SSTR1: variants seen among roughly 807,000 people sequenced by gnomAD.
The protein encoded by SSTR1 is somatostatin receptor 1.
Under a neutral mutation model 20.7 loss-of-function variants are expected in SSTR1, and 10 were observed. That is an observed-to-expected ratio of 0.48 (90% CI 0.30 to 0.82). The LOEUF (loss-of-function observed/expected upper bound fraction) is 0.82. SSTR1 is among the 40% of genes least tolerant of loss of function. SSTR1 has a pLI of 0.07. For missense variants in SSTR1, 494 were observed against 540.0 expected (o/e 0.91, Z 0.84); for synonymous variants, 267 against 227.8 (o/e 1.17, Z -1.55).
rs1883301013 is a variant in SSTR1, at chr14:38,210,289, C to T, written c.900C>T (p.Asp300=). Residue 300 remains aspartate, a synonymous_variant, in exon 3 of 3, where the codon GAC becomes GAT. Coordinates refer to ENST00000267377, the MANE Select transcript of SSTR1 (RefSeq NM_001049.3). ...TGGTCAACGTGTTTGCTGAGCAGGA[C>T]GACGCCACGGTGAGTCAGCTGTCGG... ...VQLVNVFAEQ[D]DATVSQLSVI... 1.9e-6 allele frequency: 3 copies of T among 1,614,180 alleles called. No homozygotes were observed. Among genetic ancestry groups the T allele is most frequent in the Non-Finnish European group, 2.5e-6 (3 of 1,180,016 alleles).
rs1378843345 is a variant in SSTR1 at position 38,210,728 on chromosome 14, G to A, written c.*163G>A. ...TAGGACACTGACAGCCTTTGATGGA[G>A]GAACCCAAGAAAGGCGCGCGACAAT... On this transcript the variant is annotated 3_prime_UTR_variant, in exon 3 of 3. Transcript: ENST00000267377. 1 of 1,426,826 alleles carries A rather than the reference G, an allele frequency of 7.0e-7. No individual in the cohort carries two copies. Among genetic ancestry groups the A allele is most frequent in the African/African-American group, 1.4e-5 (1 of 69,216 alleles). 88.4% of individuals were successfully genotyped at this position (1,426,826 alleles called of 1,614,324 possible).
Position 38,210,609 on chromosome 14 carries a change from C to CTGAGCCCGGGCCACGCAGGGGCA in SSTR1, c.*44_*45insTGAGCCCGGGCCACGCAGGGGCA. ...CTCTGAGCCCGGGCCACGCAGGGGC[C>CTGAGCCCGGGCCACGCAGGGGCA]CTGAGCCAAAAGAGGGGGAGAATGA... On this transcript the variant is annotated 3_prime_UTR_variant, in exon 3 of 3. Coordinates refer to ENST00000267377, the MANE Select transcript of SSTR1 (RefSeq NM_001049.3). 8.9e-7 allele frequency: 1 copy of CTGAGCCCGGGCCACGCAGGGGCA among 1,120,800 alleles called. No individual in the cohort carries two copies. The highest frequency in any genetic ancestry group is 1.2e-6 in the Non-Finnish European group (1 of 841,618). 69.4% of individuals were successfully genotyped at this position (1,120,800 alleles called of 1,614,324 possible). A position where few individuals can be genotyped will look rare whatever the true frequency, so the allele number is the denominator to read the frequency against.
Position 38,210,593 on chromosome 14 carries a change from C to A in SSTR1, c.*28C>A, listed in dbSNP as rs748044607. ...CCGGGCCACGCAGGGGCTCTGAGCCCGGGCCACGCAGGGGCCCTGAGCCAA... is the reference window on the plus strand; with the variant it reads ...CCGGGCCACGCAGGGGCTCTGAGCCAGGGCCACGCAGGGGCCCTGAGCCAA... On this transcript the variant is annotated 3_prime_UTR_variant, in exon 3 of 3. Transcript: ENST00000267377. The A allele has an allele frequency of 7.1e-6, 11 of 1,538,956 alleles. No individual in the cohort carries two copies. The Admixed American group carries it at 2.3e-4, about 32-fold the overall frequency.
In SSTR1 at chr14:38,210,152, C is replaced by G. The variant is rs35834548; in HGVS notation, c.763C>G (p.Leu255Val). 2.7e-4 allele frequency: 433 copies of G among 1,614,254 alleles called. No individual in the cohort carries two copies. The highest frequency in any genetic ancestry group is 3.5e-4 in the Non-Finnish European group (417 of 1,180,054). Residue 255 changes from leucine to valine, a missense_variant, in exon 3 of 3, where the codon CTC becomes GTC. Physicochemically the swap from Leu to Val is conservative, Grantham distance 32 (BLOSUM62 1). This residue lies in a region of SSTR1 where 280 missense variants were observed against 286.1 expected (regional missense o/e 0.98). Transcript: ENST00000267377. ...LIIAKMRMVA[L>V]KAGWQQRKRS... The stretch of plus-strand genomic sequence containing the variant: ...CATTGCTAAGATGCGCATGGTGGCC[C>G]TCAAGGCCGGCTGGCAGCAGCGCAA...
chr14:38,209,107 G>T lies in SSTR1; in HGVS notation c.-283G>T, dbSNP rs1412483164. The stretch of plus-strand genomic sequence containing the variant: ...CAGTCCAGAGCCGCGCCAGTTAATG[G>T]CTGTGCCGTGCGGTGCTCCCACATC... On this transcript the variant is annotated 5_prime_UTR_variant, in exon 3 of 3. Coordinates refer to ENST00000267377, the MANE Select transcript of SSTR1 (RefSeq NM_001049.3). The T allele has an allele frequency of 8.0e-6, 3 of 374,210 alleles. No individual in the cohort carries two copies. Among genetic ancestry groups the T allele is most frequent in the Non-Finnish European group, 1.4e-5 (3 of 212,206 alleles). 23.2% of individuals were successfully genotyped at this position (374,210 alleles called of 1,614,324 possible). A position where few individuals can be genotyped will look rare whatever the true frequency, so the allele number is the denominator to read the frequency against.
Position 38,209,652 on chromosome 14 carries a change from A to G in SSTR1, c.263A>G (p.Lys88Arg). 1 of 1,613,984 alleles carries G rather than the reference A, an allele frequency of 6.2e-7. No homozygotes were observed. Among genetic ancestry groups the G allele is most frequent in the Non-Finnish European group, 8.5e-7 (1 of 1,179,996 alleles). ...MVIYVILRYA[K>R]MKTATNIYIL... ...ATCTACGTGATCCTGCGCTATGCCA[A>G]GATGAAGACGGCCACCAACATCTAC... Residue 88 changes from lysine (K) to arginine (R), a missense_variant, in exon 3 of 3, where the codon AAG (lysine) becomes AGG (arginine). By Grantham distance (26) the Lys-to-Arg change is conservative (BLOSUM62 2). Transcript: ENST00000267377.
At position 38,211,113 on chromosome 14, in the gene SSTR1, C is replaced by T. The variant is rs979903379; in HGVS notation, c.*548C>T. 1.2e-5 allele frequency: 2 copies of T among 168,066 alleles called. No homozygotes were observed. The highest frequency in any genetic ancestry group is 4.8e-5 in the African/African-American group (2 of 41,438). 10.4% of individuals were successfully genotyped at this position (168,066 alleles called of 1,614,324 possible). A position where few individuals can be genotyped will look rare whatever the true frequency, so the allele number is the denominator to read the frequency against. On this transcript the variant is annotated 3_prime_UTR_variant, in exon 3 of 3. Transcript: ENST00000267377. ...GAATGACCGCTCTCCCTTTGCGCAG[C>T]CCTACCTTAAGGAAAGTTGGACTTG...
At position 38,209,485 on chromosome 14, in the gene SSTR1, C is replaced by T. The variant is rs772211121; in HGVS notation, c.96C>T (p.Ala32=). ...GCGGCGGCAGCAGGGGCCCCGGGGC[C>T]GGCGCTGCGGACGGCATGGAGGAGC... ...GEGGGSRGPG[A]GAADGMEEPG... Residue 32 remains alanine (A), a synonymous_variant, in exon 3 of 3, where the codon GCC becomes GCT. Transcript: ENST00000267377. 1.3e-6 allele frequency: 2 copies of T among 1,569,788 alleles called. No individual in the cohort carries two copies. Among genetic ancestry groups the T allele is most frequent in the African/African-American group, 1.4e-5 (1 of 73,976 alleles).
In SSTR1 at chr14:38,211,062, G is replaced by C. The variant is rs1336227682; in HGVS notation, c.*497G>C. On this transcript the variant is annotated 3_prime_UTR_variant, in exon 3 of 3. Coordinates refer to ENST00000267377, the MANE Select transcript of SSTR1 (RefSeq NM_001049.3). ...CGCGCGGGGCCGCTGTCCAGGTTCT[G>C]TCTGGTGCCCCTACTGGAGTCCCGG... The C allele has an allele frequency of 5.9e-6, 1 of 170,850 alleles. No homozygotes were observed. Among genetic ancestry groups the C allele is most frequent in the Non-Finnish European group, 1.4e-5 (1 of 70,958 alleles). 10.6% of individuals were successfully genotyped at this position (170,850 alleles called of 1,614,324 possible).
chr14:38,210,112 G>T lies in SSTR1; in HGVS notation c.723G>T (p.Leu241=), dbSNP rs144164756. The change falls in exon 3 of 3, where the codon CTG becomes CTT. Residue 241 remains leucine (L), a synonymous_variant. Coordinates refer to ENST00000267377, the MANE Select transcript of SSTR1 (RefSeq NM_001049.3). ...GFLLPVGAIC[L]CYVLIIAKMR... is the part of the protein sequence containing the mutation. ...TGCTGCCCGTGGGGGCTATCTGCCT[G>T]TGCTACGTGCTCATCATTGCTAAGA... The T allele has an allele frequency of 1.9e-6, 3 of 1,614,134 alleles. No individual in the cohort carries two copies. In the East Asian group the frequency reaches 6.7e-5, roughly 36 times the overall value.
In SSTR1 at chr14:38,209,983, C is replaced by G; in HGVS notation, c.594C>G (p.Thr198=). The G allele has an allele frequency of 6.2e-7, 1 of 1,614,118 alleles. No homozygotes were observed. Among genetic ancestry groups the G allele is most frequent in the East Asian group, 2.2e-5 (1 of 44,852 alleles). ...TGCCCATCGTGGTCTTCTCTCGCAC[C>G]GCGGCCAACAGCGACGGCACGGTGG... ...VILPIVVFSR[T]AANSDGTVAC... is the part of the protein sequence containing the mutation. The change falls in exon 3 of 3, where the codon ACC becomes ACG. Residue 198 remains threonine, a synonymous_variant. Transcript: ENST00000267377.
Position 38,210,489 on chromosome 14 carries a change from A to C in SSTR1, c.1100A>C (p.Asp367Ala). Reference sequence around the variant, plus strand: ...AAGAGCCGTGCCTACAGTGTGGAAGACTTCCAACCTGAGAACCTGGAGTCC... The same window carrying C: ...AAGAGCCGTGCCTACAGTGTGGAAGCCTTCCAACCTGAGAACCTGGAGTCC... ...ALKSRAYSVEDFQPENLESGG... is the reference protein window; with the variant it reads ...ALKSRAYSVEAFQPENLESGG... Residue 367 changes from aspartate to alanine, a missense_variant, in exon 3 of 3, where the codon GAC (aspartate) becomes GCC (alanine). Physicochemically the swap from Asp to Ala is moderately radical, Grantham distance 126. Around this residue, in one of 3 missense-constraint regions of SSTR1, gnomAD observed 280 missense variants for 286.1 expected, o/e 0.98. Coordinates refer to ENST00000267377, the MANE Select transcript of SSTR1 (RefSeq NM_001049.3). The C allele has an allele frequency of 6.2e-7, 1 of 1,613,230 alleles. No individual in the cohort carries two copies. Among genetic ancestry groups the C allele is most frequent in the Non-Finnish European group, 8.5e-7 (1 of 1,179,752 alleles).
chr14:38,211,118 C>T lies in SSTR1; in HGVS notation c.*553C>T, dbSNP rs570171701. ...ACCGCTCTCCCTTTGCGCAGCCCTA[C>T]CTTAAGGAAAGTTGGACTTGAGAAA... On this transcript the variant is annotated 3_prime_UTR_variant, in exon 3 of 3. Coordinates refer to ENST00000267377, the MANE Select transcript of SSTR1 (RefSeq NM_001049.3). 235 of 168,012 alleles carry T rather than the reference C, an allele frequency of 1.4e-3. No individual in the cohort carries two copies. The highest frequency in any genetic ancestry group is 6.7e-3 in the Middle Eastern group (2 of 298). The allele number at this position is 168,012 out of a possible 1,614,324, so 10.4% of individuals were successfully genotyped here.
At position 38,210,518 on chromosome 14, in the gene SSTR1, G is replaced by A. The variant is rs767962034; in HGVS notation, c.1129G>A (p.Gly377Ser). The A allele has an allele frequency of 6.2e-7, 1 of 1,604,094 alleles. No homozygotes were observed. Among genetic ancestry groups the A allele is most frequent in the East Asian group, 2.2e-5 (1 of 44,660 alleles). The change falls in exon 3 of 3, where the codon GGC becomes AGC. Residue 377 changes from glycine to serine, a missense_variant. By Grantham distance (56) the Gly-to-Ser change is moderately conservative (BLOSUM62 0). Coordinates refer to ENST00000267377, the MANE Select transcript of SSTR1 (RefSeq NM_001049.3). Reference protein sequence around the residue: ...DFQPENLESGGVFRNGTCTSR... With the variant: ...DFQPENLESGSVFRNGTCTSR... Reference sequence around the variant, plus strand: ...CCAACCTGAGAACCTGGAGTCCGGCGGCGTCTTCCGTAATGGCACCTGCAC... The same window carrying A: ...CCAACCTGAGAACCTGGAGTCCGGCAGCGTCTTCCGTAATGGCACCTGCAC...
chr14:38,209,417 CCTT>C lies in SSTR1; in HGVS notation c.30_32del (p.Ser13del). 1 of 1,523,868 alleles carries C rather than the reference CCTT, an allele frequency of 6.6e-7. No homozygotes were observed. Among genetic ancestry groups the C allele is most frequent in the Non-Finnish European group, 8.8e-7 (1 of 1,138,276 alleles). The allele number at this position is 1,523,868 out of a possible 1,614,324, so 94.4% of individuals were successfully genotyped here. A position where few individuals can be genotyped will look rare whatever the true frequency, so the allele number is the denominator to read the frequency against. On this transcript the variant is annotated inframe_deletion, in exon 3 of 3. Transcript: ENST00000267377. ...GTTCCCCAATGGCACCGCCTCCTCT[CCTT>C]CCTCCTCTCCTAGCCCCAGCCCGGG...
rs1295963096 is a variant in SSTR1 at position 38,210,134 on chromosome 14, A to G, written c.745A>G (p.Lys249Glu). ...CCTGTGCTACGTGCTCATCATTGCT[A>G]AGATGCGCATGGTGGCCCTCAAGGC... Reference protein sequence around the residue: ...ICLCYVLIIAKMRMVALKAGW... With the variant: ...ICLCYVLIIAEMRMVALKAGW... Residue 249 changes from lysine to glutamate, a missense_variant, in exon 3 of 3, where the codon AAG (lysine) becomes GAG (glutamate). Physicochemically the swap from Lys to Glu is moderately conservative, Grantham distance 56. Transcript: ENST00000267377. 1.5e-5 allele frequency: 25 copies of G among 1,614,134 alleles called. No individual in the cohort carries two copies. The highest frequency in any genetic ancestry group is 2.0e-5 in the Non-Finnish European group (24 of 1,180,052).
rs1257044500 is a variant in SSTR1 at position 38,212,630 on chromosome 14, C to G, written c.*2065C>G. On this transcript the variant is annotated 3_prime_UTR_variant, in exon 3 of 3. Transcript: ENST00000267377. ...GCTTGTACATAGTAGGCACTAAATA[C>G]ATGTTTGTTGGTTGATTGTTTAAGC... 1.2e-5 allele frequency: 2 copies of G among 166,816 alleles called. No individual in the cohort carries two copies. Among genetic ancestry groups the G allele is most frequent in the East Asian group, 3.8e-4 (2 of 5,196 alleles). The allele number at this position is 166,816 out of a possible 1,614,324, so 10.3% of individuals were successfully genotyped here.
At position 38,210,534 on chromosome 14, in the gene SSTR1, G is replaced by A. The variant is rs367619290; in HGVS notation, c.1145G>A (p.Gly382Asp). 6.4e-7 allele frequency: 1 copy of A among 1,562,500 alleles called. No homozygotes were observed. The highest frequency in any genetic ancestry group is 8.7e-7 in the Non-Finnish European group (1 of 1,152,580). ...NLESGGVFRNGTCTSRITTL is the reference protein window; with the variant it reads ...NLESGGVFRNDTCTSRITTL ...GAGTCCGGCGGCGTCTTCCGTAATG[G>A]CACCTGCACGTCCCGGATCACGACG... is the stretch of plus-strand genomic sequence containing the variant. The change falls in exon 3 of 3, where the codon GGC becomes GAC. Residue 382 changes from glycine to aspartate, a missense_variant. Gly to Asp is a moderately conservative substitution (Grantham distance 94, BLOSUM62 -1). Around this residue, in one of 3 missense-constraint regions of SSTR1, gnomAD observed 280 missense variants for 286.1 expected, o/e 0.98. Transcript: ENST00000267377.
At position 38,210,127 on chromosome 14, in the gene SSTR1, C is replaced by A. The variant is rs759464219; in HGVS notation, c.738C>A (p.Ile246=). 6.2e-7 allele frequency: 1 copy of A among 1,614,138 alleles called. No individual in the cohort carries two copies. Among genetic ancestry groups the A allele is most frequent in the Non-Finnish European group, 8.5e-7 (1 of 1,180,058 alleles). The part of the protein sequence containing the change: ...VGAICLCYVL[I]IAKMRMVALK... ...CTATCTGCCTGTGCTACGTGCTCAT[C>A]ATTGCTAAGATGCGCATGGTGGCCC... Residue 246 remains isoleucine (I), a synonymous_variant, in exon 3 of 3, where the codon ATC becomes ATA. Coordinates refer to ENST00000267377, the MANE Select transcript of SSTR1 (RefSeq NM_001049.3).
Sources: allele counts gnomAD v4.1 joint callset, GRCh38; gene constraint gnomAD v4.1.1; regional missense constraint gnomAD v4.1.1; transcripts MANE v1.5; gene names NCBI Gene and HGNC (gene_info 2026-07-23, HGNC 2026-07-21).